The following GRB2 variants were observed in gnomAD, a reference collection of about 807,000 sequenced individuals.
The protein encoded by GRB2 is growth factor receptor bound protein 2, also known as growth factor receptor-bound protein 2.
GRB2 carries 2 observed loss-of-function variants against 27.4 expected under a neutral mutation model. That is an observed-to-expected ratio of 0.07 (90% CI 0.03 to 0.23). The LOEUF is 0.23. Among genes scored for constraint, GRB2 ranks in the 10% least tolerant of loss-of-function variants. The probability of loss-of-function intolerance (pLI) is 1.00; values close to 1 mark genes in which losing one functional copy is unlikely to be tolerated. For synonymous variants in GRB2, 94 were observed against 99.6 expected, an observed-to-expected ratio of 0.94 and a Z score of 0.33; for missense variants, 102 against 282.4, an observed-to-expected ratio of 0.36 and a Z score of 4.58.
intron 2 of GRB2, among the ~76,000 whole-genome samples, chr17:75,362,804 A>G (rs1376330827): frequency 6.6e-6 from 1 of 152,226 alleles, no homozygotes; most frequent in African/African-American, 2.4e-5. Context: ...CAATCTTAAA[A>G]AGGGCAGAAC....
chr17:75,378,561 C>T (rs1285415000), intron 2 of GRB2, among the ~76,000 whole-genome samples: 2 of 152,082 alleles, frequency 1.3e-5, no homozygotes, highest in Non-Finnish European at 2.9e-5. Context: ...CATGAACGTA[C>T]AACACTAACA....
rs1452096596 is a variant in GRB2 at position 75,319,016 on chromosome 17, G to A, written c.*1352C>T. 1 of 152,402 alleles carries A rather than the reference G, an allele frequency of 6.6e-6. No individual in the cohort carries two copies. Among genetic ancestry groups the A allele is most frequent in the African/African-American group, 2.4e-5 (1 of 41,346 alleles). 9.4% of individuals were successfully genotyped at this position (152,402 alleles called of 1,614,324 possible). Reference sequence around the variant, plus strand: ...CCGACCCCCCTGTAAGCCAGATCCAGTGGGATGTGGGAGAGCTGGGCGGTC... The same window carrying A: ...CCGACCCCCCTGTAAGCCAGATCCAATGGGATGTGGGAGAGCTGGGCGGTC... On this transcript the variant is annotated 3_prime_UTR_variant, in exon 6 of 6. Transcript: ENST00000316804.
intron 2 of GRB2, among the ~76,000 whole-genome samples, chr17:75,347,300 A>T (rs1443124415): frequency 6.6e-6 from 1 of 152,110 alleles, no homozygotes; most frequent in African/African-American, 2.4e-5. Flanking sequence ...AAATCCATGG[A>T]CCGGACTGAG....
intron 2 of GRB2, among the ~76,000 whole-genome samples, chr17:75,334,486 C>A (rs1463161587): frequency 2.6e-5 from 4 of 152,034 alleles, no homozygotes; most frequent in Non-Finnish European, 4.4e-5. Context: ...ATTTATTTTG[C>A]CCAGGCTAGT....
intron 1 of GRB2, among the ~76,000 whole-genome samples, chr17:75,399,008 A>G (rs1040876006): frequency 6.6e-6 from 1 of 151,954 alleles, no homozygotes; most frequent in Non-Finnish European, 1.5e-5. Context: ...TTGCCCTCCC[A>G]AAGTGCTGGG....
intron 2 of GRB2, among the ~76,000 whole-genome samples, chr17:75,390,939 C>T (rs759339265): frequency 6.6e-6 from 1 of 152,196 alleles, no homozygotes; most frequent in Non-Finnish European, 1.5e-5. Flanking sequence ...ACTTTTAAAA[C>T]ATGTTTTGGC....
intron 2 of GRB2, among the ~76,000 whole-genome samples, chr17:75,357,406 AG>A (rs1177914603): frequency 6.6e-6 from 1 of 152,232 alleles, no homozygotes; most frequent in East Asian, 1.9e-4. Flanking sequence ...GCTCATTAAT[AG>A]TAAATACGCC....
chr17:75,318,435 C>T lies in GRB2; in HGVS notation c.*1933G>A, dbSNP rs2078431408. 6.6e-6 allele frequency: 1 copy of T among 152,190 alleles called. No homozygotes were observed. Among genetic ancestry groups the T allele is most frequent in the South Asian group, 2.1e-4 (1 of 4,830 alleles). 9.4% of individuals were successfully genotyped at this position (152,190 alleles called of 1,614,324 possible). ...TCATATCTGGAGTCGGAGGGAGACTCCCATCGGCCGCTTTGGGACTGAAAG... is the reference window on the plus strand; with the variant it reads ...TCATATCTGGAGTCGGAGGGAGACTTCCATCGGCCGCTTTGGGACTGAAAG... On this transcript the variant is annotated 3_prime_UTR_variant, in exon 6 of 6. Coordinates refer to ENST00000316804, the MANE Select transcript of GRB2 (RefSeq NM_002086.5).
intron 3 of GRB2, among the ~76,000 whole-genome samples, chr17:75,326,732 C>A (rs1048847899): frequency 7.2e-5 from 11 of 152,194 alleles, no homozygotes. Context: ...TGCTGATTCA[C>A]CTTGGCCAGA....
intron 2 of GRB2, among the ~76,000 whole-genome samples, chr17:75,380,355 A>AC (rs1470950403): frequency 1.3e-5 from 2 of 151,852 alleles, no homozygotes; most frequent in African/African-American, 2.4e-5. Context: ...GTAAAAAAAA[A>AC]AAAAAACTAT....
intron 2 of GRB2, among the ~76,000 whole-genome samples, chr17:75,346,645 C>G (rs1881094397): frequency 8.0e-6 from 1 of 125,440 alleles, no homozygotes; most frequent in South Asian, 2.7e-4. Flanking sequence ...TGCAGTGGTG[C>G]AATCCTGGCT....
At chr17:75,354,534 G>T (rs1022815508) in intron 2 of GRB2, among the ~76,000 whole-genome samples, 2 of 152,094 alleles carry the variant, frequency 1.3e-5, no homozygotes, top group African/African-American at 4.8e-5. Flanking sequence ...TAGGTTGCCC[G>T]CTCCTTGTAA....
At chr17:75,330,678 AAAC>A (rs931203705) in intron 3 of GRB2, among the ~76,000 whole-genome samples, 2 of 152,036 alleles carry the variant, frequency 1.3e-5, no homozygotes, top group Non-Finnish European at 2.9e-5. Context: ...CGTCTCATAA[AAAC>A]AACAAGAACA....
chr17:75,339,113 A>G lies in GRB2; in HGVS notation c.79-6316T>C, dbSNP rs956526379. On this transcript the variant is annotated intron_variant, in intron 2 of 5. Coordinates refer to ENST00000316804, the MANE Select transcript of GRB2 (RefSeq NM_002086.5). ...TGCAAGCATTTTGAACTGGGAGGAG[A>G]TAAGAAGAGAAAGGGCCAAGTGATC... 78 of 1,378,702 alleles carry G rather than the reference A, an allele frequency of 5.7e-5. No homozygotes were observed. In the African/African-American group the frequency reaches 8.9e-4, roughly 16 times the overall value. The allele number at this position is 1,378,702 out of a possible 1,614,324, so 85.4% of individuals were successfully genotyped here.
At chr17:75,392,149 T>G (rs938294281) in intron 2 of GRB2, among the ~76,000 whole-genome samples, 1 of 152,208 alleles carries the variant, frequency 6.6e-6, no homozygotes, top group Non-Finnish European at 1.5e-5. Flanking sequence ...CTGAGGAATT[T>G]TGTAGTCTAA....
At chr17:75,404,377 G>A (rs2079084320) in intron 1 of GRB2, among the ~76,000 whole-genome samples, 1 of 152,056 alleles carries the variant, frequency 6.6e-6, no homozygotes, top group Non-Finnish European at 1.5e-5. Flanking sequence ...GAACGCAGGG[G>A]ACGCGCAAAA....
intron 2 of GRB2, among the ~76,000 whole-genome samples, chr17:75,385,029 C>CAAAAAA (rs58860615): frequency 4.0e-4 from 22 of 55,328 alleles, no homozygotes; most frequent in African/African-American, 1.0e-3. Flanking sequence ...CTGGCTCTAC[C>CAAAAAA]AAAAAAAAAA....
chr17:75,352,128 T>C (rs1186628146), intron 2 of GRB2, among the ~76,000 whole-genome samples: 1 of 152,184 alleles, frequency 6.6e-6, no homozygotes, highest in Non-Finnish European at 1.5e-5. Context: ...TAGTAATTAA[T>C]TACCCAGGTC....
intron 2 of GRB2, chr17:75,371,622 AAAG>A (rs1351455415): frequency 1.3e-5 from 2 of 152,212 alleles, no homozygotes; most frequent in East Asian, 3.9e-4. Flanking sequence ...ACCCGAGGGA[AAAG>A]AAGAACACCC....
Sources: gnomAD v4.1 joint callset for allele counts (sites outside exome capture counted in the v4.1 genomes callset) on GRCh38, gnomAD v4.1.1 for gene constraint, MANE v1.5 for transcripts, NCBI Gene and HGNC (gene_info 2026-07-23, HGNC 2026-07-21) for gene names.